ZNF43: variants seen among roughly 807,000 people sequenced by gnomAD.
The protein encoded by ZNF43 is zinc finger protein 39-like 1 (KOX 27).
ZNF43 carries 44 observed loss-of-function variants against 68.4 expected under a neutral mutation model. That is an observed-to-expected ratio of 0.64 (90% CI 0.51 to 0.83). The LOEUF is 0.83. ZNF43 is among the 40% of genes least tolerant of loss of function. ZNF43 has a pLI of 0.00. For synonymous variants in ZNF43, 308 were observed against 307.8 expected, an observed-to-expected ratio of 1.00 and a Z score of -0.01; for missense variants, 896 against 933.2, an observed-to-expected ratio of 0.96 and a Z score of 0.52.
At chr19:21,847,528 C>A (rs1013649540) in intron 1 of ZNF43, among the ~76,000 whole-genome samples, 11 of 152,086 alleles carry the variant, frequency 7.2e-5, no homozygotes, top group Non-Finnish European at 1.6e-4. Flanking sequence ...GAAACCCCAT[C>A]TCTACTAAAA....
At chr19:21,832,207 T>C (rs1290937482) in intron 1 of ZNF43, among the ~76,000 whole-genome samples, 1 of 151,988 alleles carries the variant, frequency 6.6e-6, no homozygotes, top group East Asian at 1.9e-4. Flanking sequence ...TGCAACAGAA[T>C]AGAGAGCCCA....
chr19:21,848,587 G>A (rs1395641184), intron 1 of ZNF43, among the ~76,000 whole-genome samples: 1 of 152,194 alleles, frequency 6.6e-6, no homozygotes, highest in African/African-American at 2.4e-5. Flanking sequence ...CATAAAAAGA[G>A]GAGAGTCATA....
At chr19:21,849,488 CA>C (rs35354919) in intron 1 of ZNF43, among the ~76,000 whole-genome samples, 1,450 of 29,454 alleles carry the variant, frequency 0.049, 11 homozygotes, top group Middle Eastern at 0.083. Context: ...AACCCTGCCT[CA>C]AAAAAAAAAA....
upstream of ZNF43, among the ~76,000 whole-genome samples, chr19:21,838,515 T>C (rs1158710790): frequency 6.6e-6 from 1 of 151,812 alleles, no homozygotes; most frequent in Non-Finnish European, 1.5e-5. Context: ...TTCCCCTGCC[T>C]CAGCCTCCCG....
chr19:21,820,024 A>T (rs1245216771), intron 1 of ZNF43, among the ~76,000 whole-genome samples: 1 of 150,604 alleles, frequency 6.6e-6, no homozygotes, highest in East Asian at 2.0e-4. Context: ...CGTGGAGAAA[A>T]CCCATCTCTA....
rs2038717101 is a variant in ZNF43 at position 21,836,094 on chromosome 19, G to T, written c.-56C>A. 6.2e-7 allele frequency: 1 copy of T among 1,612,632 alleles called. No individual in the cohort carries two copies. The highest frequency in any genetic ancestry group is 1.7e-5 in the Admixed American group (1 of 59,952). On this transcript the variant is annotated 5_prime_UTR_variant, in exon 1 of 4. In the 5' UTR this introduces an upstream ATG that the reference lacks. Coordinates refer to ENST00000354959, the MANE Select transcript of ZNF43 (RefSeq NM_003423.4). The stretch of plus-strand genomic sequence containing the variant: ...AGCTGTGGATCCCCCAATACCCGCA[G>T]GTCACAGAGCCACAGAGGCTGGACC...
chr19:21,821,451 C>T (rs2037841993), intron 1 of ZNF43, among the ~76,000 whole-genome samples: 1 of 152,062 alleles, frequency 6.6e-6, no homozygotes, highest in South Asian at 2.1e-4. Context: ...TAGTATTTTT[C>T]AGAACTTTCT....
At chr19:21,810,615 C>T (rs555905243) in intron 3 of ZNF43, among the ~76,000 whole-genome samples, 33 of 152,304 alleles carry the variant, frequency 2.2e-4, no homozygotes, top group African/African-American at 7.2e-4. Context: ...TTCTTTGCAT[C>T]TTGTGTATTC....
intron 1 of ZNF43, chr19:21,851,200 A>G (rs1214432230): frequency 6.6e-6 from 1 of 152,034 alleles, no homozygotes; most frequent in Non-Finnish European, 1.5e-5. Context: ...CAATTATCCA[A>G]CTTTTGACAG....
intron 3 of ZNF43, among the ~76,000 whole-genome samples, chr19:21,810,126 T>C (rs1232568756): frequency 6.6e-6 from 1 of 152,168 alleles, no homozygotes; most frequent in Non-Finnish European, 1.5e-5. Context: ...AGAAGTAAAT[T>C]GCCAACTCCA....
At chr19:21,829,478 A>G (rs963296879) in intron 1 of ZNF43, among the ~76,000 whole-genome samples, 1 of 152,170 alleles carries the variant, frequency 6.6e-6, no homozygotes, top group South Asian at 2.1e-4. Flanking sequence ...TTTAATCTAA[A>G]CAAATCTGTG....
At chr19:21,843,419 C>T in intron 1 of ZNF43, 1 of 980,272 alleles carries the variant, frequency 1.0e-6, no homozygotes, top group East Asian at 1.1e-4. Context: ...GGTCTAAGTA[C>T]ACAAGTCACC....
intron 3 of ZNF43, 27 bp downstream of exon 3, chr19:21,817,861 G>T: frequency 6.3e-7 from 1 of 1,595,438 alleles, no homozygotes; most frequent in Non-Finnish European, 8.6e-7. Flanking sequence ...ATCTGTGTTT[G>T]TTGTATTCAC....
At chr19:21,830,623 A>G (rs1445056682) in intron 1 of ZNF43, among the ~76,000 whole-genome samples, 1 of 151,606 alleles carries the variant, frequency 6.6e-6, no homozygotes, top group East Asian at 1.9e-4. Context: ...TAAATAGCCT[A>G]GAAACCAATA....
intron 1 of ZNF43, among the ~76,000 whole-genome samples, chr19:21,824,732 T>TAAAAAAAAAAA (rs34739856): frequency 2.4e-4 from 26 of 107,148 alleles, no homozygotes; most frequent in Admixed American, 5.3e-4. Flanking sequence ...TATGTTTACC[T>TAAAAAAAAAAA]AAAAAAAAAA....
Position 21,811,431 on chromosome 19 carries a change from A to C in ZNF43, c.230-1624T>G, listed in dbSNP as rs2037263963. ...GTGCCTGTAATCCCAGCTACTTGGG[A>C]GGCTGAGGCAGGAGAATTGCTAGAA... is the stretch of plus-strand genomic sequence containing the variant. On this transcript the variant is annotated intron_variant, in intron 3 of 3. Coordinates refer to ENST00000354959, the MANE Select transcript of ZNF43 (RefSeq NM_003423.4). Among the ~76,000 whole-genome samples the C allele has an allele frequency of 2.0e-5, 3 of 151,742 alleles. No individual in the cohort carries two copies. The South Asian group carries it at 6.3e-4, about 32-fold the overall frequency.
At chr19:21,824,426 G>A (rs1022437442) in intron 1 of ZNF43, among the ~76,000 whole-genome samples, 20 of 152,054 alleles carry the variant, frequency 1.3e-4, no homozygotes, top group Non-Finnish European at 2.5e-4. Context: ...AGCCTCTCAC[G>A]TAAGTGTTAG....
intron 3 of ZNF43, among the ~76,000 whole-genome samples, chr19:21,812,642 G>T (rs996188396): frequency 7.9e-5 from 12 of 151,762 alleles, no homozygotes; most frequent in African/African-American, 2.9e-4. Flanking sequence ...AAAATCTGTT[G>T]ATGATGCAAT....
chr19:21,810,565 C>G (rs537215154), intron 3 of ZNF43, among the ~76,000 whole-genome samples: 1 of 152,304 alleles, frequency 6.6e-6, no homozygotes, highest in African/African-American at 2.4e-5. Context: ...CAGACTCATA[C>G]AAACCTTTCC....
Sources: allele counts gnomAD v4.1 joint callset (sites outside exome capture counted in the v4.1 genomes callset), GRCh38; gene constraint gnomAD v4.1.1; transcripts MANE v1.5; gene names NCBI Gene and HGNC (gene_info 2026-07-23, HGNC 2026-07-21).